DIP2B: variants seen among roughly 807,000 people sequenced by gnomAD.
The protein encoded by DIP2B is disco-interacting protein 2 homolog B.
In DIP2B, 76 loss-of-function variants were observed where a neutral mutation model predicts 198.0. The ratio of observed to expected loss-of-function variants is 0.38; its 90% confidence interval spans 0.32 to 0.46. The LOEUF (loss-of-function observed/expected upper bound fraction) is 0.46. Among genes scored for constraint, DIP2B ranks in the 20% least tolerant of loss-of-function variants. The probability of loss-of-function intolerance (pLI) is 0.99; values close to 1 mark genes in which losing one functional copy is unlikely to be tolerated. For synonymous variants in DIP2B, 701 were observed against 739.1 expected, an observed-to-expected ratio of 0.95 and a Z score of 0.84; for missense variants, 1,559 against 1,978.4, an observed-to-expected ratio of 0.79 and a Z score of 4.02.
intron 32 of DIP2B, among the ~76,000 whole-genome samples, chr12:50,733,161 C>T (rs1318233714): frequency 6.6e-6 from 1 of 152,048 alleles, no homozygotes; most frequent in Non-Finnish European, 1.5e-5. Flanking sequence ...CCGCCTCAGC[C>T]TCCCAAAGTG....
chr12:50,595,205 A>G (rs755212633), intron 1 of DIP2B, among the ~76,000 whole-genome samples: 1 of 152,236 alleles, frequency 6.6e-6, no homozygotes, highest in African/African-American at 2.4e-5. Flanking sequence ...CGTGTTTGCA[A>G]GCTAGTCGTG....
chr12:50,572,132 A>G (rs1958620411), intron 1 of DIP2B, among the ~76,000 whole-genome samples: 1 of 152,306 alleles, frequency 6.6e-6, no homozygotes, highest in Admixed American at 6.5e-5. Flanking sequence ...TGTAAAAATG[A>G]AGCACAACTT....
At chr12:50,594,107 A>AT (rs1176681636) in intron 1 of DIP2B, among the ~76,000 whole-genome samples, 4 of 148,122 alleles carry the variant, frequency 2.7e-5, no homozygotes, top group East Asian at 2.0e-4. Context: ...TGCTCTGCTA[A>AT]TTTTTTTTGT....
chr12:50,726,668 C>CTT (rs769357838), intron 28 of DIP2B, among the ~76,000 whole-genome samples: 1 of 109,904 alleles, frequency 9.1e-6, no homozygotes, highest in Non-Finnish European at 2.2e-5. Context: ...TTCTTTCTTT[C>CTT]TTTTTTTTTT....
chr12:50,699,302 G>C, intron 19 of DIP2B, 100 bp downstream of exon 19: 1 of 1,521,916 alleles, frequency 6.6e-7, no homozygotes, highest in Admixed American at 1.8e-5. Flanking sequence ...ACATGTGGTT[G>C]AGAGTGTGTA....
chr12:50,692,881 C>T (rs1939245373), intron 13 of DIP2B, 68 bp from the exon 14 acceptor site: 3 of 1,312,588 alleles, frequency 2.3e-6, no homozygotes, highest in Non-Finnish European at 3.2e-6. Flanking sequence ...TTATAAGAGG[C>T]AAGTGACATA....
At chr12:50,524,512 C>T (rs1273834104) in intron 1 of DIP2B, among the ~76,000 whole-genome samples, 1 of 151,998 alleles carries the variant, frequency 6.6e-6, no homozygotes, top group African/African-American at 2.4e-5. Context: ...CCCTTCTCTC[C>T]TTCCCTATTC....
intron 1 of DIP2B, among the ~76,000 whole-genome samples, chr12:50,538,348 G>A (rs1489586040): frequency 1.3e-5 from 2 of 152,194 alleles, no homozygotes; most frequent in African/African-American, 2.4e-5. Flanking sequence ...ATCAGCCATC[G>A]GGGAGTGTGA....
At chr12:50,695,504 G>T (rs2139930) in intron 15 of DIP2B, 144 bp downstream of exon 15, 258,284 of 798,902 alleles carry the variant, frequency 0.32, 43,166 homozygotes, top group Middle Eastern at 0.36. Flanking sequence ...TAGGTACCTT[G>T]CCTGTTCATC....
At position 50,534,167 on chromosome 12, in the gene DIP2B, T is replaced by A. The variant is rs1958243214; in HGVS notation, c.100+28927T>A. Among the ~76,000 whole-genome samples the A allele has an allele frequency of 5.9e-5, 9 of 152,114 alleles. No individual in the cohort carries two copies. In the South Asian group the frequency reaches 1.9e-3, roughly 32 times the overall value. ...GGAATAAAATATGACTTTATCAGCA[T>A]TTTGGGGAACTCAGGGACAAGAGAT... On this transcript the variant is annotated intron_variant, in intron 1 of 37. Transcript: ENST00000301180.
chr12:50,523,323 A>G (rs1479233596), intron 1 of DIP2B, among the ~76,000 whole-genome samples: 1 of 152,124 alleles, frequency 6.6e-6, no homozygotes, highest in East Asian at 1.9e-4. Flanking sequence ...GTTATTCTTT[A>G]TAATTCAGAG....
At position 50,748,259 on chromosome 12, in the gene DIP2B, C is replaced by T. The variant is rs896291901; in HGVS notation, c.*3420C>T. 3 of 152,540 alleles carry T rather than the reference C, an allele frequency of 2.0e-5. No homozygotes were observed. The highest frequency in any genetic ancestry group is 4.4e-5 in the Non-Finnish European group (3 of 68,028). The allele number at this position is 152,540 out of a possible 1,614,324, so 9.4% of individuals were successfully genotyped here. ...TCCTCAAACTCCAACAAGATCTATGCCTTAGTGTTGTTTTTGTTGTCTGCT... is the reference window on the plus strand; with the variant it reads ...TCCTCAAACTCCAACAAGATCTATGTCTTAGTGTTGTTTTTGTTGTCTGCT... On this transcript the variant is annotated 3_prime_UTR_variant, in exon 38 of 38. Coordinates refer to ENST00000301180, the MANE Select transcript of DIP2B (RefSeq NM_173602.3).
chr12:50,568,852 A>C (rs1174238737), intron 1 of DIP2B, among the ~76,000 whole-genome samples: 3 of 152,248 alleles, frequency 2.0e-5, no homozygotes, highest in African/African-American at 7.2e-5. Context: ...AGTTGCAGGA[A>C]CCAAGCTTTG....
chr12:50,561,032 A>C (rs1958515689), intron 1 of DIP2B, among the ~76,000 whole-genome samples: 3 of 152,218 alleles, frequency 2.0e-5, no homozygotes. Flanking sequence ...AACCTATATA[A>C]GAGTGCATTC....
intron 4 of DIP2B, among the ~76,000 whole-genome samples, chr12:50,667,934 T>C (rs1938784575): frequency 6.6e-6 from 1 of 152,200 alleles, no homozygotes; most frequent in Non-Finnish European, 1.5e-5. Context: ...ATGGTTAGGA[T>C]AAAGGCAAGT....
At chr12:50,524,695 A>G (rs1321750101) in intron 1 of DIP2B, among the ~76,000 whole-genome samples, 2 of 152,224 alleles carry the variant, frequency 1.3e-5, no homozygotes, top group Non-Finnish European at 2.9e-5. Context: ...TTACATCTGT[A>G]GCTGTAGACA....
chr12:50,559,460 G>A (rs1958499504), intron 1 of DIP2B, among the ~76,000 whole-genome samples: 1 of 151,776 alleles, frequency 6.6e-6, no homozygotes, highest in Non-Finnish European at 1.5e-5. Context: ...ATATTATTAG[G>A]CTGGGCATAG....
intron 1 of DIP2B, among the ~76,000 whole-genome samples, chr12:50,507,963 A>C (rs1957982849): frequency 6.6e-6 from 1 of 151,614 alleles, no homozygotes; most frequent in South Asian, 2.1e-4. Context: ...CATAGCAATA[A>C]TCTGAGCTGT....
rs1940328015 is a variant in DIP2B, at chr12:50,745,397, G to A, written c.*558G>A. 6.5e-6 allele frequency: 1 copy of A among 154,650 alleles called. No individual in the cohort carries two copies. The highest frequency in any genetic ancestry group is 2.4e-5 in the African/African-American group (1 of 41,440). 9.6% of individuals were successfully genotyped at this position (154,650 alleles called of 1,614,324 possible). On this transcript the variant is annotated 3_prime_UTR_variant, in exon 38 of 38. Coordinates refer to ENST00000301180, the MANE Select transcript of DIP2B (RefSeq NM_173602.3). ...CATTTTGACCAGTGTTTTACAACAT[G>A]TACATAAGAATACACATAATTCAAC...
Sources: allele counts gnomAD v4.1 joint callset (sites outside exome capture counted in the v4.1 genomes callset), GRCh38; gene constraint gnomAD v4.1.1; transcripts MANE v1.5; gene names NCBI Gene and HGNC (gene_info 2026-07-23, HGNC 2026-07-21).